Variants in ROCK1 observed in about 807,000 individuals in gnomAD.
ROCK1 encodes the protein Rho associated coiled-coil containing protein kinase 1.
ROCK1 carries 36 observed loss-of-function variants against 196.8 expected under a neutral mutation model. That is an observed-to-expected ratio of 0.18 (90% CI 0.14 to 0.24). The LOEUF is 0.24. ROCK1 is among the 10% of genes least tolerant of loss of function. The pLI, the probability that ROCK1 is intolerant of heterozygous loss-of-function variation, is 1.00. For synonymous variants in ROCK1, 443 were observed against 515.9 expected (o/e 0.86, Z 1.91); for missense variants, 920 against 1,562.0 (o/e 0.59, Z 6.93).
At chr18:21,039,701 T>G in intron 8 of ROCK1, 138 bp from the exon 9 acceptor site, 1 of 607,100 alleles carries the variant, frequency 1.6e-6, no homozygotes. Flanking sequence ...ATTGTCAGCA[T>G]AGTATCAGCC....
chr18:20,983,602 G>A (rs2035552584), intron 20 of ROCK1, among the ~76,000 whole-genome samples: 1 of 151,974 alleles, frequency 6.6e-6, no homozygotes, highest in South Asian at 2.1e-4. Context: ...ATCTCAAAAG[G>A]CATGTGGCTG....
chr18:21,111,357 G>C lies in ROCK1; in HGVS notation c.-447C>G. 2.3e-6 allele frequency: 1 copy of C among 434,928 alleles called. No homozygotes were observed. Among genetic ancestry groups the C allele is most frequent in the South Asian group, 6.6e-5 (1 of 15,220 alleles). 26.9% of individuals were successfully genotyped at this position (434,928 alleles called of 1,614,324 possible). ...GGAAAGGCGAAAGCAAAGGGCGGGT[G>C]AGGAGCTGTGCCAGCTGCGGCCGCC... On this transcript the variant is annotated 5_prime_UTR_variant, in exon 1 of 33. Coordinates refer to ENST00000399799, the MANE Select transcript of ROCK1 (RefSeq NM_005406.3). The surrounding 1 kb of genome is among the most constrained non-coding windows in gnomAD (Gnocchi z 4.2).
chr18:20,961,201 T>C (rs975333934), intron 27 of ROCK1, among the ~76,000 whole-genome samples: 10 of 152,104 alleles, frequency 6.6e-5, no homozygotes, highest in East Asian at 1.9e-4. Context: ...CACAAAAGAA[T>C]AGAAAAATAA....
chr18:20,968,024 G>T (rs2035390299), intron 25 of ROCK1, 84 bp from the exon 26 acceptor site: 1 of 1,218,182 alleles, frequency 8.2e-7, no homozygotes, highest in Non-Finnish European at 1.1e-6. Context: ...AAATCAGGAA[G>T]CAGGACTTTC....
intron 1 of ROCK1, among the ~76,000 whole-genome samples, chr18:21,110,212 A>C (rs1239658286): frequency 2.6e-5 from 4 of 152,214 alleles, no homozygotes; most frequent in Non-Finnish European, 5.9e-5. Context: ...TACTTTTGTA[A>C]CCAATAATAC....
rs571757501 is a variant in ROCK1, at chr18:21,029,869, C to G, written c.1052-934G>C. On this transcript the variant is annotated intron_variant, in intron 9 of 32. Transcript: ENST00000399799. The stretch of plus-strand genomic sequence containing the variant: ...AAGATACTGTAGTATAATAAAACAT[C>G]CCTGAATTATGATCATCAAAATACT... Among the ~76,000 whole-genome samples the G allele has an allele frequency of 3.3e-5, 5 of 151,890 alleles. No individual in the cohort carries two copies. The East Asian group carries it at 9.7e-4, about 29-fold the overall frequency.
intron 1 of ROCK1, among the ~76,000 whole-genome samples, chr18:21,091,936 T>C (rs1327826570): frequency 6.6e-6 from 1 of 152,106 alleles, no homozygotes; most frequent in Non-Finnish European, 1.5e-5. Flanking sequence ...GCCGAGATCA[T>C]GCCACTGCAC....
At chr18:21,059,715 T>C (rs932249890) in intron 2 of ROCK1, among the ~76,000 whole-genome samples, 1 of 152,252 alleles carries the variant, frequency 6.6e-6, no homozygotes, top group East Asian at 1.9e-4. Context: ...TAAAAACATA[T>C]GTCTACACAA....
At chr18:21,045,022 GT>G in intron 5 of ROCK1, 1 of 219,310 alleles carries the variant, frequency 4.6e-6, no homozygotes, top group East Asian at 9.3e-5. Context: ...CACCACACCT[GT>G]GTTTTTTTTT....
intron 1 of ROCK1, among the ~76,000 whole-genome samples, chr18:21,072,887 A>C (rs1213251759): frequency 6.6e-6 from 1 of 151,932 alleles, no homozygotes; most frequent in East Asian, 1.9e-4. Flanking sequence ...CCTGGCCAAA[A>C]TGGTGAAACC....
chr18:20,959,104 T>TATATATATTTTATATA (rs1568367425), intron 29 of ROCK1, among the ~76,000 whole-genome samples: 7 of 18,816 alleles, frequency 3.7e-4, no homozygotes, highest in Non-Finnish European at 5.2e-4. Flanking sequence ...ATATATATAT[T>TATATATATTTTATATA]ATATATATAT....
At chr18:21,110,161 C>T (rs2036737690) in intron 1 of ROCK1, among the ~76,000 whole-genome samples, 1 of 152,084 alleles carries the variant, frequency 6.6e-6, no homozygotes, top group African/African-American at 2.4e-5. Context: ...ATGTTAAGTG[C>T]CACACCACCA....
chr18:20,998,162 C>T (rs1001098610), intron 16 of ROCK1, among the ~76,000 whole-genome samples: 14 of 151,974 alleles, frequency 9.2e-5, no homozygotes, highest in African/African-American at 3.4e-4. Context: ...TGAAACGATA[C>T]AAATACCTGG....
intron 2 of ROCK1, among the ~76,000 whole-genome samples, chr18:21,052,457 T>C (rs2036211650): frequency 6.6e-6 from 1 of 152,224 alleles, no homozygotes; most frequent in Non-Finnish European, 1.5e-5. Context: ...AGGGGTACTA[T>C]ATAGCCTGAA....
intron 13 of ROCK1, among the ~76,000 whole-genome samples, chr18:21,010,094 CT>C (rs1481683254): frequency 6.6e-6 from 1 of 151,958 alleles, no homozygotes; most frequent in Non-Finnish European, 1.5e-5. Context: ...TCTCTTTTTC[CT>C]TTATCAGTCT....
chr18:21,043,579 T>TATACATATACATA (rs2036128608), intron 6 of ROCK1, among the ~76,000 whole-genome samples: 1 of 148,178 alleles, frequency 6.7e-6, no homozygotes, highest in African/African-American at 2.5e-5. Flanking sequence ...ACATAATGTA[T>TATACATATACATA]ATGTATATAC....
At chr18:21,042,756 A>G in intron 6 of ROCK1, 47 bp from the exon 7 acceptor site, 1 of 1,531,058 alleles carries the variant, frequency 6.5e-7, no homozygotes, top group Non-Finnish European at 8.8e-7. Context: ...ATAAAGTCTC[A>G]ATTATTTAAA....
At chr18:21,105,916 G>GA (rs961841988) in intron 1 of ROCK1, among the ~76,000 whole-genome samples, 8 of 151,922 alleles carry the variant, frequency 5.3e-5, no homozygotes, top group African/African-American at 1.5e-4. Context: ...TTGAGGAAAA[G>GA]AAAAAAAGAA....
chr18:21,028,200 G>A (rs1169984930), intron 10 of ROCK1, among the ~76,000 whole-genome samples: 3 of 151,240 alleles, frequency 2.0e-5, no homozygotes, highest in African/African-American at 7.3e-5. Flanking sequence ...GGCAGATCAT[G>A]AGGTCAGGAG....
Sources: gnomAD v4.1 joint callset for allele counts (sites outside exome capture counted in the v4.1 genomes callset) on GRCh38, gnomAD v4.1.1 for gene constraint, Gnocchi (gnomAD v3.1) non-coding constraint, MANE v1.5 for transcripts, NCBI Gene and HGNC (gene_info 2026-07-23, HGNC 2026-07-21) for gene names.